The following ZMYND15 variants were observed in gnomAD, a reference collection of about 807,000 sequenced individuals.
The protein encoded by ZMYND15 is zinc finger MYND-type containing 15.
Under a neutral mutation model 81.7 loss-of-function variants are expected in ZMYND15, and 54 were observed. The observed-to-expected ratio is 0.66, with a 90% CI of 0.53 to 0.83. ZMYND15 has a LOEUF of 0.83. Ranked by LOEUF, ZMYND15 falls within the 40% of genes least tolerant of loss-of-function variation. The pLI, the probability that ZMYND15 is intolerant of heterozygous loss-of-function variation, is 0.00. For missense variants in ZMYND15, 925 were observed against 973.5 expected (o/e 0.95, Z 0.66); for synonymous variants, 399 against 387.0 (o/e 1.03, Z -0.36).
At position 4,745,356 on chromosome 17, in the gene ZMYND15, G is replaced by T. The variant is rs892802834; in HGVS notation, c.2038G>T (p.Ala680Ser). ...CCGCTCCCCCTTTCGCCTCAGAGCG[G>T]CCGACAACTGCATGTCCTGGTAAGG... ...PFRSPFRLRAADNCMSWYCNA... is the reference protein window; with the variant it reads ...PFRSPFRLRASDNCMSWYCNA... Residue 680 changes from alanine (A) to serine (S), a missense_variant, in exon 13 of 14, where the codon GCC (alanine) becomes TCC (serine). Ala to Ser is a moderately conservative substitution (Grantham distance 99). Transcript: ENST00000433935. The surrounding 1 kb of genome is among the most constrained non-coding windows in gnomAD (Gnocchi z 5.2). The T allele has an allele frequency of 1.2e-6, 2 of 1,606,696 alleles. No individual in the cohort carries two copies. Among genetic ancestry groups the T allele is most frequent in the South Asian group, 1.1e-5 (1 of 90,512 alleles).
At position 4,743,333 on chromosome 17, in the gene ZMYND15, C is replaced by G. The variant is rs978719227; in HGVS notation, c.1175C>G (p.Ala392Gly). Residue 392 changes from alanine to glycine, a missense_variant, in exon 6 of 14, where the codon GCC (alanine) becomes GGC (glycine). Ala to Gly is a moderately conservative substitution (Grantham distance 60, BLOSUM62 0). Coordinates refer to ENST00000433935, the MANE Select transcript of ZMYND15 (RefSeq NM_001136046.3). This position sits in a 1 kb window ranked among gnomAD's most constrained non-coding sequence, Gnocchi z 4.3. ...ACCAGTGAAACCTTCAACAAAGAGG[C>G]CTTCCTGGCCTCTCGGGGCCTCACT... ...EVTSETFNKE[A>G]FLASRGLTRG... 5 of 1,614,084 alleles carry G rather than the reference C, an allele frequency of 3.1e-6. No homozygotes were observed. The highest frequency in any genetic ancestry group is 4.5e-5 in the East Asian group (2 of 44,876).
intron 5 of ZMYND15, among the ~76,000 whole-genome samples, chr17:4,742,835 T>G (rs1916486064): frequency 6.6e-6 from 1 of 152,136 alleles, no homozygotes; most frequent in African/African-American, 2.4e-5. Flanking sequence ...AGAAGGCCCA[T>G]GGAATTGTTA....
chr17:4,741,182 C>T (rs1916393443), intron 2 of ZMYND15, 42 bp downstream of exon 2: 4 of 1,396,940 alleles, frequency 2.9e-6, no homozygotes, highest in East Asian at 5.5e-5. Context: ...CTTGCCCAGC[C>T]ATCCTCCCTT....
In ZMYND15 at chr17:4,745,870, C is replaced by T. The variant is rs371976948; in HGVS notation, c.2109C>T (p.Ser703=). 843 of 1,586,120 alleles carry T rather than the reference C, an allele frequency of 5.3e-4. 1 individual carries two copies. Among genetic ancestry groups the T allele is most frequent in the Non-Finnish European group, 5.0e-4 (586 of 1,168,264 alleles). ...TGGTTTACAAGCCTGCTCAAGGGAG[C>T]GGGGCCCGCCCGGCGCCCGGGCCCC... ...FHLVYKPAQG[S]GARPAPGPPP... The change falls in exon 14 of 14, where the codon AGC becomes AGT. Residue 703 remains serine (S), a synonymous_variant. Coordinates refer to ENST00000433935, the MANE Select transcript of ZMYND15 (RefSeq NM_001136046.3). This position sits in a 1 kb window ranked among gnomAD's most constrained non-coding sequence, Gnocchi z 5.2.
At position 4,744,963 on chromosome 17, in the gene ZMYND15, C is replaced by A; in HGVS notation, c.1896+35C>A. ...GGGGGCAAAAGGGAACTTCTCTCCC[C>A]TCCTGCCTGGCCCCTCCCCATCTCC... On this transcript the variant is annotated intron_variant, in intron 12 of 13. Coordinates refer to ENST00000433935, the MANE Select transcript of ZMYND15 (RefSeq NM_001136046.3). This position sits in a 1 kb window ranked among gnomAD's most constrained non-coding sequence, Gnocchi z 4.1. 1.2e-6 allele frequency: 2 copies of A among 1,613,166 alleles called. No individual in the cohort carries two copies. The highest frequency in any genetic ancestry group is 2.2e-5 in the South Asian group (2 of 91,028).
chr17:4,740,826 C>T lies in ZMYND15; in HGVS notation c.278C>T (p.Pro93Leu). 1.9e-6 allele frequency: 3 copies of T among 1,583,082 alleles called. No homozygotes were observed. Among genetic ancestry groups the T allele is most frequent in the Non-Finnish European group, 2.6e-6 (3 of 1,161,116 alleles). ...LGTAWLLGDN[P>L]PLHLRDLSPY... ...ACTGCCTGGCTCCTGGGAGACAACCCTCCACTCCACCTGCGAGACCTGAGC... is the reference window on the plus strand; with the variant it reads ...ACTGCCTGGCTCCTGGGAGACAACCTTCCACTCCACCTGCGAGACCTGAGC... The change falls in exon 2 of 14, where the codon CCT (proline) becomes CTT (leucine). Residue 93 changes from proline to leucine, a missense_variant. Pro to Leu is a moderately conservative substitution (Grantham distance 98, BLOSUM62 -3). Coordinates refer to ENST00000433935, the MANE Select transcript of ZMYND15 (RefSeq NM_001136046.3).
In ZMYND15 at chr17:4,743,708, G is replaced by A; in HGVS notation, c.1298-59G>A. On this transcript the variant is annotated intron_variant, in intron 6 of 13. Coordinates refer to ENST00000433935, the MANE Select transcript of ZMYND15 (RefSeq NM_001136046.3). The surrounding 1 kb of genome is among the most constrained non-coding windows in gnomAD (Gnocchi z 4.3). Reference sequence around the variant, plus strand: ...ATACAGCCCCTTTGGAAGGAAGAAAGAGATGGGTCAGGTGGGGGTCTCCCT... The same window carrying A: ...ATACAGCCCCTTTGGAAGGAAGAAAAAGATGGGTCAGGTGGGGGTCTCCCT... 1 of 1,526,360 alleles carries A rather than the reference G, an allele frequency of 6.6e-7. No homozygotes were observed. Among genetic ancestry groups the A allele is most frequent in the Non-Finnish European group, 8.9e-7 (1 of 1,122,094 alleles). The allele number at this position is 1,526,360 out of a possible 1,614,324, so 94.6% of individuals were successfully genotyped here.
Position 4,741,619 on chromosome 17 carries a change from G to A in ZMYND15, c.630G>A (p.Val210=), listed in dbSNP as rs1290589272. Residue 210 remains valine (V), a synonymous_variant, in exon 3 of 14, where the codon GTG becomes GTA. Transcript: ENST00000433935. ...TGCACGTTTCCTGTCTCTTACTTGT[G>A]ACGGATGAGCATGGCACCATCTTGG... ...APLHVSCLLL[V]TDEHGTILGI... The A allele has an allele frequency of 6.2e-7, 1 of 1,614,052 alleles. No individual in the cohort carries two copies. Among genetic ancestry groups the A allele is most frequent in the Middle Eastern group, 1.6e-4 (1 of 6,062 alleles).
chr17:4,741,955 G>A lies in ZMYND15; in HGVS notation c.868G>A (p.Ala290Thr). ...SLVPRLGVKL[A>T]KTPMRTWGPR... Reference sequence around the variant, plus strand: ...GGTCCCAAGGCTAGGTGTGAAGTTAGCCAAAACCCCAATGCGGACATGGGG... The same window carrying A: ...GGTCCCAAGGCTAGGTGTGAAGTTAACCAAAACCCCAATGCGGACATGGGG... Residue 290 changes from alanine to threonine, a missense_variant, in exon 4 of 14, where the codon GCC becomes ACC. Coordinates refer to ENST00000433935, the MANE Select transcript of ZMYND15 (RefSeq NM_001136046.3). 1 of 1,614,214 alleles carries A rather than the reference G, an allele frequency of 6.2e-7. No individual in the cohort carries two copies. Among genetic ancestry groups the A allele is most frequent in the Non-Finnish European group, 8.5e-7 (1 of 1,180,042 alleles).
In ZMYND15 at chr17:4,744,276, T is replaced by C; in HGVS notation, c.1582T>C (p.Trp528Arg). The C allele has an allele frequency of 3.1e-6, 5 of 1,614,014 alleles. No individual in the cohort carries two copies. The highest frequency in any genetic ancestry group is 4.2e-6 in the Non-Finnish European group (5 of 1,179,958). Residue 528 changes from tryptophan (W) to arginine (R), a missense_variant and splice_region_variant, in exon 9 of 14, where the codon TGG becomes CGG. Coordinates refer to ENST00000433935, the MANE Select transcript of ZMYND15 (RefSeq NM_001136046.3). This position sits in a 1 kb window ranked among gnomAD's most constrained non-coding sequence, Gnocchi z 4.1. ...GGAGTTTGACCTTGTCATGGTGTTT[T>C]GGGTAAGTCACCCCAGGCCTGAAGG... is the stretch of plus-strand genomic sequence containing the variant. Reference protein sequence around the residue: ...GKEFDLVMVFWELLVLLPHVA... With the variant: ...GKEFDLVMVFRELLVLLPHVA...
Position 4,745,217 on chromosome 17 carries a change from C to CAGCCCA in ZMYND15, c.1899_1900insAGCCCA (p.Ser633_Leu634insSerPro). ...GAGCGACTCTCGCTCCACCCCAGTC[C>CAGCCCA]CTCCGAGTGCCAGCCTTCTTCACCG... On this transcript the variant is annotated inframe_insertion, in exon 13 of 14. Coordinates refer to ENST00000433935, the MANE Select transcript of ZMYND15 (RefSeq NM_001136046.3). This position sits in a 1 kb window ranked among gnomAD's most constrained non-coding sequence, Gnocchi z 5.2. 1 of 1,614,102 alleles carries CAGCCCA rather than the reference C, an allele frequency of 6.2e-7. No homozygotes were observed. Among genetic ancestry groups the CAGCCCA allele is most frequent in the South Asian group, 1.1e-5 (1 of 91,082 alleles).
rs1916562199 is a variant in ZMYND15, at chr17:4,744,183, C to T, written c.1496-7C>T. 3 of 1,614,090 alleles carry T rather than the reference C, an allele frequency of 1.9e-6. No individual in the cohort carries two copies. The highest frequency in any genetic ancestry group is 1.3e-5 in the African/African-American group (1 of 75,010). On this transcript the variant is annotated splice_polypyrimidine_tract_variant and splice_region_variant and intron_variant, in intron 8 of 13. Transcript: ENST00000433935. This position sits in a 1 kb window ranked among gnomAD's most constrained non-coding sequence, Gnocchi z 4.1. ...CCACATCCTTAAAGCGCTGGTTTTT[C>T]ACCCAGTCCCTGAGCTCAACATCCA...
Position 4,743,803 on chromosome 17 carries a change from C to T in ZMYND15, c.1334C>T (p.Ala445Val), listed in dbSNP as rs151165595. 6.2e-7 allele frequency: 1 copy of T among 1,613,980 alleles called. No individual in the cohort carries two copies. Among genetic ancestry groups the T allele is most frequent in the African/African-American group, 1.3e-5 (1 of 74,906 alleles). Residue 445 changes from alanine to valine, a missense_variant, in exon 7 of 14, where the codon GCC (alanine) becomes GTC (valine). Physicochemically the swap from Ala to Val is moderately conservative, Grantham distance 64 (BLOSUM62 0). Transcript: ENST00000433935. The surrounding 1 kb of genome is among the most constrained non-coding windows in gnomAD (Gnocchi z 4.3). ...PYQLLQGDGTALMPPVPPHPP... is the reference protein window; with the variant it reads ...PYQLLQGDGTVLMPPVPPHPP... ...CAGCTTCTCCAGGGAGACGGGACTG[C>T]CCTGATGCCTCCTGTGCCCCCACAT...
rs774390814 is a variant in ZMYND15 at position 4,743,290 on chromosome 17, TCTC to T, written c.1145-10_1145-8del. 6 of 1,528,736 alleles carry T rather than the reference TCTC, an allele frequency of 3.9e-6. No individual in the cohort carries two copies. Among genetic ancestry groups the T allele is most frequent in the Middle Eastern group, 1.7e-4 (1 of 5,924 alleles). 94.7% of individuals were successfully genotyped at this position (1,528,736 alleles called of 1,614,324 possible). On this transcript the variant is annotated splice_polypyrimidine_tract_variant and intron_variant, in intron 5 of 13. Transcript: ENST00000433935. This position sits in a 1 kb window ranked among gnomAD's most constrained non-coding sequence, Gnocchi z 4.3. ...AGCCCAGCACCTCAACTCCTCCCCT[TCTC>T]CTTCTCCAGAGGTGACCAGTGAAAC...
rs1916633946 is a variant in ZMYND15 at position 4,745,720 on chromosome 17, C to G, written c.2058-99C>G. 1 of 883,644 alleles carries G rather than the reference C, an allele frequency of 1.1e-6. No homozygotes were observed. Among genetic ancestry groups the G allele is most frequent in the South Asian group, 1.7e-5 (1 of 57,446 alleles). The allele number at this position is 883,644 out of a possible 1,614,324, so 54.7% of individuals were successfully genotyped here. On this transcript the variant is annotated intron_variant, in intron 13 of 13. Coordinates refer to ENST00000433935, the MANE Select transcript of ZMYND15 (RefSeq NM_001136046.3). The surrounding 1 kb of genome is among the most constrained non-coding windows in gnomAD (Gnocchi z 5.2). ...TGACCGCCCGGTGGAGCCCCGCCCC[C>G]TGGTCCCTGACCGCGCCCCTGGGAG...
chr17:4,741,914 G>C lies in ZMYND15; in HGVS notation c.828-1G>C. 6.2e-7 allele frequency: 1 copy of C among 1,613,796 alleles called. No homozygotes were observed. Among genetic ancestry groups the C allele is most frequent in the East Asian group, 2.2e-5 (1 of 44,868 alleles). On this transcript the variant is annotated splice_acceptor_variant, in intron 3 of 13. Transcript: ENST00000433935. LOFTEE classifies it high-confidence loss of function. ...GCCATCTCCCCCCCAACTGCATTTAGAGAGCTGGAGAGCTTGGTCCCAAGG... is the reference window on the plus strand; with the variant it reads ...GCCATCTCCCCCCCAACTGCATTTACAGAGCTGGAGAGCTTGGTCCCAAGG...
Position 4,742,378 on chromosome 17 carries a change from C to A in ZMYND15, c.1031C>A (p.Ala344Asp), listed in dbSNP as rs1413136852. Reference sequence around the variant, plus strand: ...TATTGTGGAGAGGCTTGTCTCCGGGCTGACTGGCAGCGGTGCCCAGATGAT... The same window carrying A: ...TATTGTGGAGAGGCTTGTCTCCGGGATGACTGGCAGCGGTGCCCAGATGAT... ...VLYCGEACLR[A>D]DWQRCPDDVS... The change falls in exon 5 of 14, where the codon GCT (alanine) becomes GAT (aspartate). Residue 344 changes from alanine to aspartate, a missense_variant. Physicochemically the swap from Ala to Asp is moderately radical, Grantham distance 126. Transcript: ENST00000433935. 3 of 1,614,166 alleles carry A rather than the reference C, an allele frequency of 1.9e-6. No homozygotes were observed. Among genetic ancestry groups the A allele is most frequent in the South Asian group, 1.1e-5 (1 of 91,078 alleles).
Position 4,745,697 on chromosome 17 carries a change from A to T in ZMYND15, c.2058-122A>T, listed in dbSNP as rs1458141267. 1.6e-5 allele frequency: 10 copies of T among 617,324 alleles called. No individual in the cohort carries two copies. The highest frequency in any genetic ancestry group is 3.5e-5 in the Admixed American group (1 of 28,458). The allele number at this position is 617,324 out of a possible 1,614,324, so 38.2% of individuals were successfully genotyped here. Reference sequence around the variant, plus strand: ...GGCAAGCCCCGCCCCCTGGTCCCTGACCGCCCGGTGGAGCCCCGCCCCCTG... The same window carrying T: ...GGCAAGCCCCGCCCCCTGGTCCCTGTCCGCCCGGTGGAGCCCCGCCCCCTG... On this transcript the variant is annotated intron_variant, in intron 13 of 13. Coordinates refer to ENST00000433935, the MANE Select transcript of ZMYND15 (RefSeq NM_001136046.3). The surrounding 1 kb of genome is among the most constrained non-coding windows in gnomAD (Gnocchi z 5.2).
In ZMYND15 at chr17:4,745,023, C is replaced by G; in HGVS notation, c.1896+95C>G. 1.3e-6 allele frequency: 2 copies of G among 1,565,148 alleles called. No individual in the cohort carries two copies. Among genetic ancestry groups the G allele is most frequent in the Non-Finnish European group, 1.8e-6 (2 of 1,139,462 alleles). ...AGTCTCTGGGCTCTCCTCCTCTTCACCATCACCTGCTCCACAAACCTGGGG... is the reference window on the plus strand; with the variant it reads ...AGTCTCTGGGCTCTCCTCCTCTTCAGCATCACCTGCTCCACAAACCTGGGG... On this transcript the variant is annotated intron_variant, in intron 12 of 13. Transcript: ENST00000433935. This position sits in a 1 kb window ranked among gnomAD's most constrained non-coding sequence, Gnocchi z 5.2.
Sources: gnomAD v4.1 joint callset for allele counts (sites outside exome capture counted in the v4.1 genomes callset) on GRCh38, gnomAD v4.1.1 for gene constraint, Gnocchi (gnomAD v3.1) non-coding constraint, MANE v1.5 for transcripts, NCBI Gene and HGNC (gene_info 2026-07-23, HGNC 2026-07-21) for gene names.